The following OSBPL8 variants were observed in gnomAD, a reference collection of about 807,000 sequenced individuals.
OSBPL8 encodes the protein oxysterol binding protein like 8.
In OSBPL8, 59 loss-of-function variants were observed where a neutral mutation model predicts 125.5. That is an observed-to-expected ratio of 0.47 (90% CI 0.38 to 0.58). The LOEUF is 0.58. Among genes scored for constraint, OSBPL8 ranks in the 20% least tolerant of loss-of-function variants. The probability of loss-of-function intolerance (pLI) is 0.00; values close to 1 mark genes in which losing one functional copy is unlikely to be tolerated. For synonymous variants in OSBPL8, 330 were observed against 338.9 expected, an observed-to-expected ratio of 0.97 and a Z score of 0.29; for missense variants, 758 against 1,047.8, an observed-to-expected ratio of 0.72 and a Z score of 3.82.
At chr12:76,413,199 C>A (rs1868304067) in intron 4 of OSBPL8, among the ~76,000 whole-genome samples, 1 of 152,140 alleles carries the variant, frequency 6.6e-6, no homozygotes, top group African/African-American at 2.4e-5. Flanking sequence ...TACTTAACAA[C>A]CTCCCAAATC....
At chr12:76,490,267 C>T (rs530081474) in intron 1 of OSBPL8, among the ~76,000 whole-genome samples, 151 of 152,316 alleles carry the variant, frequency 9.9e-4, no homozygotes, top group African/African-American at 3.5e-3. Context: ...AAAAGCCCCA[C>T]CCTCAAGTCG....
At chr12:76,526,907 C>A (rs1406975624) in intron 1 of OSBPL8, among the ~76,000 whole-genome samples, 1 of 151,924 alleles carries the variant, frequency 6.6e-6, no homozygotes, top group African/African-American at 2.4e-5. Flanking sequence ...GTCTCAGCCT[C>A]CCAAAATGCT....
intron 4 of OSBPL8, among the ~76,000 whole-genome samples, chr12:76,448,260 C>CT (rs372210386): frequency 1.1e-4 from 17 of 152,242 alleles, no homozygotes; most frequent in African/African-American, 3.9e-4. Flanking sequence ...TCACTGTACT[C>CT]TTTTTTTAAC....
intron 1 of OSBPL8, among the ~76,000 whole-genome samples, chr12:76,535,142 A>T (rs1950455674): frequency 6.6e-6 from 1 of 152,106 alleles, no homozygotes; most frequent in Non-Finnish European, 1.5e-5. Flanking sequence ...AATTTCAAAA[A>T]ATTAAATTAC....
At chr12:76,502,732 C>T (rs189381903) in intron 1 of OSBPL8, among the ~76,000 whole-genome samples, 7 of 152,222 alleles carry the variant, frequency 4.6e-5, no homozygotes, top group African/African-American at 1.7e-4. Context: ...CCTACCAGGT[C>T]AAAAGCCATG....
chr12:76,358,175 C>CTTTT (rs60714321), intron 22 of OSBPL8, among the ~76,000 whole-genome samples: 85 of 100,164 alleles, frequency 8.5e-4, no homozygotes, highest in African/African-American at 1.7e-3. Context: ...GAGTGTGGTT[C>CTTTT]TTTTTTTTTT....
intron 4 of OSBPL8, among the ~76,000 whole-genome samples, chr12:76,449,498 T>G (rs1368982588): frequency 6.6e-6 from 1 of 152,200 alleles, no homozygotes; most frequent in African/African-American, 2.4e-5. Flanking sequence ...TGGGTAAAAC[T>G]GCTGGCAACT....
At chr12:76,384,652 T>C (rs886591227) in intron 14 of OSBPL8, among the ~76,000 whole-genome samples, 7 of 152,162 alleles carry the variant, frequency 4.6e-5, no homozygotes, top group Admixed American at 6.5e-5. Flanking sequence ...CCTTCCATGC[T>C]GGGGGCTGTC....
chr12:76,406,760 A>G (rs115660006), intron 5 of OSBPL8, among the ~76,000 whole-genome samples: 1,584 of 152,146 alleles, frequency 0.01, 36 homozygotes, highest in African/African-American at 0.037. Context: ...GGACCACAGG[A>G]ACATGCCACC....
chr12:76,551,067 A>C (rs4334064), intron 1 of OSBPL8, among the ~76,000 whole-genome samples: 1 of 151,666 alleles, frequency 6.6e-6, no homozygotes, highest in East Asian at 1.9e-4. Flanking sequence ...AAATAATACA[A>C]ACATATATAT....
chr12:76,358,429 A>C (rs1364123327), intron 22 of OSBPL8, among the ~76,000 whole-genome samples: 1 of 151,654 alleles, frequency 6.6e-6, no homozygotes, highest in African/African-American at 2.4e-5. Flanking sequence ...TGATCTGCCC[A>C]CCTCGGCGTC....
chr12:76,520,863 T>C (rs764628860), intron 1 of OSBPL8, among the ~76,000 whole-genome samples: 2 of 152,212 alleles, frequency 1.3e-5, no homozygotes, highest in Non-Finnish European at 2.9e-5. Context: ...ATTAGGCCTT[T>C]ATAAAAATGA....
chr12:76,521,107 T>A (rs947392943), intron 1 of OSBPL8, among the ~76,000 whole-genome samples: 4 of 152,168 alleles, frequency 2.6e-5, no homozygotes, highest in Non-Finnish European at 4.4e-5. Flanking sequence ...AACAGCAGGG[T>A]CCAAATCTTT....
intron 1 of OSBPL8, among the ~76,000 whole-genome samples, chr12:76,498,608 T>G (rs1879528928): frequency 6.6e-6 from 1 of 152,230 alleles, no homozygotes; most frequent in Non-Finnish European, 1.5e-5. Flanking sequence ...GCAGACATTT[T>G]ATAAGCTCTC....
intron 2 of OSBPL8, among the ~76,000 whole-genome samples, chr12:76,477,519 T>C (rs1003308174): frequency 1.3e-5 from 2 of 152,074 alleles, no homozygotes; most frequent in Non-Finnish European, 2.9e-5. Context: ...AACTAACCAG[T>C]AGCCCTCAAA....
At chr12:76,375,741 T>C (rs34785692) in intron 16 of OSBPL8, among the ~76,000 whole-genome samples, 1 of 146,708 alleles carries the variant, frequency 6.8e-6, no homozygotes, top group Non-Finnish European at 1.5e-5. Context: ...CACATTGTTT[T>C]AAAAAAAAAA....
At chr12:76,369,357 A>G in intron 20 of OSBPL8, 56 bp from the exon 21 acceptor site, 5 of 1,542,392 alleles carry the variant, frequency 3.2e-6, no homozygotes, top group Non-Finnish European at 4.3e-6. Context: ...AAAGAACTTT[A>G]AAACTTTCTA....
intron 2 of OSBPL8, among the ~76,000 whole-genome samples, chr12:76,482,376 G>A (rs565528886): frequency 6.6e-6 from 1 of 152,312 alleles, no homozygotes; most frequent in Admixed American, 6.5e-5. Context: ...CACTTTGGGA[G>A]GCTAAGGCGG....
intron 6 of OSBPL8, among the ~76,000 whole-genome samples, chr12:76,400,883 G>C (rs965166699): frequency 6.6e-6 from 1 of 151,222 alleles, no homozygotes; most frequent in Non-Finnish European, 1.5e-5. Flanking sequence ...CCGCCTCCTG[G>C]GTCAACGCAA....
Sources: gnomAD v4.1 joint callset for allele counts (sites outside exome capture counted in the v4.1 genomes callset) on GRCh38, gnomAD v4.1.1 for gene constraint, MANE v1.5 for transcripts, NCBI Gene and HGNC (gene_info 2026-07-23, HGNC 2026-07-21) for gene names.